TPP2: variants seen among roughly 807,000 people sequenced by gnomAD.
TPP2 encodes the protein tripeptidyl-peptidase 2.
Under a neutral mutation model 155.9 loss-of-function variants are expected in TPP2, and 34 were observed. That is an observed-to-expected ratio of 0.22 (90% CI 0.17 to 0.29). TPP2 has a LOEUF of 0.29. TPP2 is among the 10% of genes least tolerant of loss of function. The probability of loss-of-function intolerance (pLI) is 1.00; values close to 1 mark genes in which losing one functional copy is unlikely to be tolerated. For missense variants in TPP2, 1,028 were observed against 1,522.3 expected (o/e 0.68, Z 5.40); for synonymous variants, 510 against 529.4 (o/e 0.96, Z 0.50).
Position 102,651,453 on chromosome 13 carries a change from C to CT in TPP2, c.2991+62dup, listed in dbSNP as rs529577956. On this transcript the variant is annotated intron_variant, in intron 24 of 29. Coordinates refer to ENST00000376052, the MANE Select transcript of TPP2 (RefSeq NM_001330588.2). ...CTTAAAGCCTTATTTGCATATTAAA[C>CT]TTTTTTCTGTCACTATTATAAACCT... 413 of 1,533,546 alleles carry CT rather than the reference C, an allele frequency of 2.7e-4. 7 individuals are homozygous for CT. In the South Asian group the frequency reaches 4.4e-3, roughly 16 times the overall value. 95.0% of individuals were successfully genotyped at this position (1,533,546 alleles called of 1,614,324 possible).
intron 13 of TPP2, 27 bp downstream of exon 13, chr13:102,636,419 A>C: frequency 6.3e-7 from 1 of 1,593,438 alleles, no homozygotes; most frequent in Non-Finnish European, 8.5e-7. Flanking sequence ...CAGTAAGCTG[A>C]CGTATTCACA....
At chr13:102,614,877 G>A (rs1880602760) in intron 3 of TPP2, among the ~76,000 whole-genome samples, 1 of 148,612 alleles carries the variant, frequency 6.7e-6, no homozygotes, top group Non-Finnish European at 1.5e-5. Flanking sequence ...TGTGACTGAC[G>A]AATTGAAATT....
At chr13:102,628,085 T>C (rs553214518) in intron 8 of TPP2, among the ~76,000 whole-genome samples, 161 bp downstream of exon 8, 1 of 152,284 alleles carries the variant, frequency 6.6e-6, no homozygotes, top group East Asian at 1.9e-4. Context: ...TGAAGTCCTG[T>C]TTGGCTCGTA....
chr13:102,625,440 A>G (rs1390212903), intron 6 of TPP2, among the ~76,000 whole-genome samples: 1 of 152,140 alleles, frequency 6.6e-6, no homozygotes, highest in Non-Finnish European at 1.5e-5. Flanking sequence ...CTGGGATTAC[A>G]GGTGTGAGCC....
chr13:102,672,103 T>C (rs1885018962), intron 27 of TPP2, among the ~76,000 whole-genome samples: 1 of 152,084 alleles, frequency 6.6e-6, no homozygotes, highest in Non-Finnish European at 1.5e-5. Context: ...ACCTGCCAAG[T>C]CTGTCCCTCA....
intron 2 of TPP2, among the ~76,000 whole-genome samples, chr13:102,608,938 T>C (rs1260027063): frequency 6.6e-6 from 1 of 152,152 alleles, no homozygotes; most frequent in African/African-American, 2.4e-5. Context: ...GGTCTTTTGG[T>C]GGGTTTCACT....
At chr13:102,623,926 AGTAT>A (rs970524936) in intron 6 of TPP2, among the ~76,000 whole-genome samples, 25 of 152,284 alleles carry the variant, frequency 1.6e-4, no homozygotes, top group African/African-American at 6.0e-4. Context: ...AATACCTTAT[AGTAT>A]GTAAGTGCTA....
At chr13:102,676,235 A>C in intron 28 of TPP2, 61 bp from the exon 29 acceptor site, 15 of 1,404,314 alleles carry the variant, frequency 1.1e-5, no homozygotes, top group Non-Finnish European at 1.3e-5. Flanking sequence ...TTATGGTTAA[A>C]GCTAATGCCT....
intron 23 of TPP2, among the ~76,000 whole-genome samples, chr13:102,650,201 G>A (rs554303625): frequency 2.1e-4 from 32 of 151,984 alleles, no homozygotes; most frequent in African/African-American, 7.5e-4. Flanking sequence ...ATCACCTTTT[G>A]TCATAATAAT....
At chr13:102,622,427 G>A (rs919433247) in intron 5 of TPP2, among the ~76,000 whole-genome samples, 6 of 152,202 alleles carry the variant, frequency 3.9e-5, no homozygotes, top group African/African-American at 1.2e-4. Context: ...ATAAATTTAA[G>A]TCTGTTATAA....
In TPP2 at chr13:102,614,214, A is replaced by G; in HGVS notation, c.390+18A>G. On this transcript the variant is annotated intron_variant, in intron 3 of 29. Coordinates refer to ENST00000376052, the MANE Select transcript of TPP2 (RefSeq NM_001330588.2). Reference sequence around the variant, plus strand: ...GGATACAGGTAATGTACAATCTGGTACCAATGAGTTGTATTCTTCTGACTT... The same window carrying G: ...GGATACAGGTAATGTACAATCTGGTGCCAATGAGTTGTATTCTTCTGACTT... 1 of 1,566,240 alleles carries G rather than the reference A, an allele frequency of 6.4e-7. No individual in the cohort carries two copies. The highest frequency in any genetic ancestry group is 8.7e-7 in the Non-Finnish European group (1 of 1,145,918).
At chr13:102,643,705 G>C (rs1882915417) in intron 17 of TPP2, among the ~76,000 whole-genome samples, 1 of 152,104 alleles carries the variant, frequency 6.6e-6, no homozygotes, top group Non-Finnish European at 1.5e-5. Context: ...CTGTTTGCTT[G>C]TCACTTAACT....
In TPP2 at chr13:102,643,346, A is replaced by G. The variant is rs1368948773; in HGVS notation, c.2145A>G (p.Lys715=). Reference sequence around the variant, plus strand: ...ATAAGTTTTGTTCTCTTCCAGAGAAAGGAACACTGACTGAAGCTTTTCCTG... The same window carrying G: ...ATAAGTTTTGTTCTCTTCCAGAGAAGGGAACACTGACTGAAGCTTTTCCTG... The part of the protein sequence containing the change: ...EFYKFCSLPE[K]GTLTEAFPVL... Residue 715 remains lysine (K), a synonymous_variant, in exon 17 of 30, where the codon AAA becomes AAG. Coordinates refer to ENST00000376052, the MANE Select transcript of TPP2 (RefSeq NM_001330588.2). 1 of 1,609,770 alleles carries G rather than the reference A, an allele frequency of 6.2e-7. No homozygotes were observed. The highest frequency in any genetic ancestry group is 8.5e-7 in the Non-Finnish European group (1 of 1,178,756).
At chr13:102,634,431 G>A (rs1882236201) in intron 11 of TPP2, among the ~76,000 whole-genome samples, 1 of 152,130 alleles carries the variant, frequency 6.6e-6, no homozygotes, top group Non-Finnish European at 1.5e-5. Context: ...ATAAAAAACT[G>A]TAGATGTTGC....
chr13:102,625,620 G>GA (rs899475878), intron 6 of TPP2, among the ~76,000 whole-genome samples: 6 of 152,122 alleles, frequency 3.9e-5, no homozygotes, highest in Admixed American at 1.3e-4. Context: ...TGTTTTGAAG[G>GA]AAAAAATCAC....
At chr13:102,664,693 A>T (rs1884474368) in intron 26 of TPP2, 102 bp from the exon 27 acceptor site, 1 of 1,186,364 alleles carries the variant, frequency 8.4e-7, no homozygotes, top group Non-Finnish European at 1.2e-6. Context: ...TAGTTTACTC[A>T]CACTGCAGTT....
intron 24 of TPP2, 29 bp from the exon 25 acceptor site, chr13:102,657,027 A>G: frequency 6.4e-7 from 1 of 1,566,924 alleles, no homozygotes; most frequent in Non-Finnish European, 8.6e-7. Flanking sequence ...TAAGCATATT[A>G]ATCTAAGAAT....
At chr13:102,660,952 A>C (rs923447779) in intron 25 of TPP2, among the ~76,000 whole-genome samples, 2 of 152,178 alleles carry the variant, frequency 1.3e-5, no homozygotes, top group African/African-American at 4.8e-5. Flanking sequence ...AAAAGAATGA[A>C]GTTGGACCCT....
At chr13:102,637,773 A>G (rs933537718) in intron 14 of TPP2, among the ~76,000 whole-genome samples, 3 of 151,108 alleles carry the variant, frequency 2.0e-5, no homozygotes, top group Admixed American at 1.3e-4. Context: ...CTTGTCTTGA[A>G]CTCTTGGCCT....
Sources: gnomAD v4.1 joint callset for allele counts (sites outside exome capture counted in the v4.1 genomes callset) on GRCh38, gnomAD v4.1.1 for gene constraint, MANE v1.5 for transcripts, NCBI Gene and HGNC (gene_info 2026-07-23, HGNC 2026-07-21) for gene names.